Variants in NRXN1 observed in about 807,000 individuals in gnomAD.
The protein encoded by NRXN1 is neurexin-1.
Under a neutral mutation model 150.9 loss-of-function variants are expected in NRXN1, and 39 were observed. That is an observed-to-expected ratio of 0.26 (90% CI 0.20 to 0.34). The LOEUF (loss-of-function observed/expected upper bound fraction) is 0.34. Among genes scored for constraint, NRXN1 ranks in the 10% least tolerant of loss-of-function variants. The pLI is 1.00. For synonymous variants in NRXN1, 924 were observed against 757.0 expected, an observed-to-expected ratio of 1.22 and a Z score of -3.62; for missense variants, 1,815 against 1,949.9, an observed-to-expected ratio of 0.93 and a Z score of 1.30.
At chr2:50,539,195 G>A (rs188581202) in intron 9 of NRXN1, among the ~76,000 whole-genome samples, 11 of 150,122 alleles carry the variant, frequency 7.3e-5, no homozygotes, top group East Asian at 1.9e-4. Context: ...CATAATATGC[G>A]CATAATAATA....
At chr2:50,848,317 G>C (rs1056437442) in intron 5 of NRXN1, among the ~76,000 whole-genome samples, 4 of 152,116 alleles carry the variant, frequency 2.6e-5, no homozygotes, top group African/African-American at 9.7e-5. Context: ...CAGCAACAAA[G>C]CTCCAAGTTG....
At chr2:50,749,820 A>G (rs1700390049) in intron 5 of NRXN1, among the ~76,000 whole-genome samples, 2 of 152,062 alleles carry the variant, frequency 1.3e-5, no homozygotes, top group Non-Finnish European at 2.9e-5. Context: ...AAGGGTAAAT[A>G]ACTTATCCAA....
intron 5 of NRXN1, among the ~76,000 whole-genome samples, chr2:50,739,585 C>G (rs1232455545): frequency 6.6e-6 from 1 of 152,122 alleles, no homozygotes; most frequent in Non-Finnish European, 1.5e-5. Context: ...CTAAATAAAA[C>G]AAGCTTTTAT....
At chr2:50,617,310 C>T (rs1459529670) in intron 8 of NRXN1, among the ~76,000 whole-genome samples, 1 of 151,954 alleles carries the variant, frequency 6.6e-6, no homozygotes, top group African/African-American at 2.4e-5. Flanking sequence ...TGGTGCATGC[C>T]TGTAGTCCCA....
At chr2:50,344,929 C>T (rs1204022698) in intron 17 of NRXN1, among the ~76,000 whole-genome samples, 1 of 152,208 alleles carries the variant, frequency 6.6e-6, no homozygotes, top group East Asian at 1.9e-4. Context: ...CTCTGCCCTT[C>T]CTGCACCCTG....
chr2:50,180,168 G>A (rs139736099), intron 18 of NRXN1, among the ~76,000 whole-genome samples: 3 of 150,504 alleles, frequency 2.0e-5, no homozygotes, highest in East Asian at 2.0e-4. Context: ...AATACAGGGC[G>A]GTGCCCCCAC....
At chr2:50,381,462 A>G (rs1247627074) in intron 17 of NRXN1, among the ~76,000 whole-genome samples, 1 of 151,308 alleles carries the variant, frequency 6.6e-6, no homozygotes, top group African/African-American at 2.4e-5. Context: ...AGTTTTGCGA[A>G]TAAACTGACA....
At chr2:50,758,279 T>C (rs1418554043) in intron 5 of NRXN1, 1 of 151,850 alleles carries the variant, frequency 6.6e-6, no homozygotes, top group East Asian at 2.0e-4. Flanking sequence ...GCTGTAATTA[T>C]AATGCTTAGA....
intron 5 of NRXN1, among the ~76,000 whole-genome samples, chr2:50,775,058 C>A (rs1019510008): frequency 6.6e-6 from 1 of 152,136 alleles, no homozygotes; most frequent in Non-Finnish European, 1.5e-5. Flanking sequence ...CTACTCCATC[C>A]TTTGCTTTAA....
chr2:50,021,552 A>AT (rs1687570025), intron 21 of NRXN1, among the ~76,000 whole-genome samples: 1 of 152,166 alleles, frequency 6.6e-6, no homozygotes, highest in Non-Finnish European at 1.5e-5. Context: ...GTGAAGAAGT[A>AT]TTTTTCTAAG....
chr2:50,280,442 C>G (rs1458095889), intron 17 of NRXN1, among the ~76,000 whole-genome samples: 2 of 152,094 alleles, frequency 1.3e-5, no homozygotes, highest in Non-Finnish European at 2.9e-5. Flanking sequence ...AAGCACACCC[C>G]CATATAGCCA....
chr2:50,236,154 G>A (rs977121167), intron 18 of NRXN1, among the ~76,000 whole-genome samples: 4 of 152,010 alleles, frequency 2.6e-5, no homozygotes, highest in Admixed American at 2.0e-4. Flanking sequence ...ATTATATGCT[G>A]AGTAAATTAC....
chr2:50,542,956 G>A (rs1035709321), intron 9 of NRXN1, among the ~76,000 whole-genome samples: 3 of 152,078 alleles, frequency 2.0e-5, no homozygotes, highest in African/African-American at 7.2e-5. Flanking sequence ...TTAAAATTGA[G>A]TTATAAAATC....
At chr2:50,189,166 A>T (rs955390466) in intron 18 of NRXN1, among the ~76,000 whole-genome samples, 1 of 152,198 alleles carries the variant, frequency 6.6e-6, no homozygotes, top group Non-Finnish European at 1.5e-5. Context: ...GCACATATAC[A>T]CAATGGAATA....
chr2:50,892,044 G>C (rs1394113898), intron 5 of NRXN1, among the ~76,000 whole-genome samples: 1 of 152,016 alleles, frequency 6.6e-6, no homozygotes, highest in Non-Finnish European at 1.5e-5. Context: ...TGCCACATAT[G>C]AACAACTATT....
intron 17 of NRXN1, among the ~76,000 whole-genome samples, chr2:50,330,948 T>C (rs2076799263): frequency 6.6e-6 from 1 of 152,178 alleles, no homozygotes; most frequent in Non-Finnish European, 1.5e-5. Flanking sequence ...AGTAGTTACT[T>C]GCTAAAATCC....
intron 5 of NRXN1, among the ~76,000 whole-genome samples, chr2:50,900,225 A>T (rs1190528122): frequency 6.6e-6 from 1 of 152,198 alleles, no homozygotes; most frequent in African/African-American, 2.4e-5. Flanking sequence ...AGTGTCCACA[A>T]CATGTTGGAC....
Position 50,925,930 on chromosome 2 carries a change from GC to G in NRXN1, c.790+7del. 2 of 1,570,670 alleles carry G rather than the reference GC, an allele frequency of 1.3e-6. No individual in the cohort carries two copies. The highest frequency in any genetic ancestry group is 1.7e-6 in the Non-Finnish European group (2 of 1,155,870). On this transcript the variant is annotated splice_region_variant and intron_variant, in intron 3 of 22. Transcript: ENST00000401669. ...GAGAGTTGGAAAAATAAGGTAGAAA[GC>G]ACCCACCTTCCACATTGTTGTCTTC...
At chr2:50,308,214 C>T (rs919444010) in intron 17 of NRXN1, among the ~76,000 whole-genome samples, 1 of 152,128 alleles carries the variant, frequency 6.6e-6, no homozygotes. Flanking sequence ...TAGACTTATC[C>T]TGAAAAACGT....
Sources: gnomAD v4.1 joint callset for allele counts (sites outside exome capture counted in the v4.1 genomes callset) on GRCh38, gnomAD v4.1.1 for gene constraint, MANE v1.5 for transcripts, NCBI Gene and HGNC (gene_info 2026-07-23, HGNC 2026-07-21) for gene names.